Variants in CAPN15 observed in about 807,000 individuals in gnomAD.
The protein encoded by CAPN15 is calpain 15.
A neutral mutation model predicts 97.9 loss-of-function variants in CAPN15; 53 were observed. The ratio of observed to expected loss-of-function variants is 0.54; its 90% confidence interval spans 0.43 to 0.68. The LOEUF is 0.68. Among genes scored for constraint, CAPN15 ranks in the 30% least tolerant of loss-of-function variants. The probability of loss-of-function intolerance (pLI) is 0.00; values close to 1 mark genes in which losing one functional copy is unlikely to be tolerated. For synonymous variants in CAPN15, 922 were observed against 722.5 expected, an observed-to-expected ratio of 1.28 and a Z score of -4.43; for missense variants, 1,592 against 1,589.8, an observed-to-expected ratio of 1.00 and a Z score of -0.02.
At chr16:545,323 C>T (rs2034508370) in intron 3 of CAPN15, among the ~76,000 whole-genome samples, 1 of 152,110 alleles carries the variant, frequency 6.6e-6, no homozygotes, top group East Asian at 1.9e-4. Flanking sequence ...GGTGGGGGCC[C>T]TGCCGAGGTC....
Position 531,097 on chromosome 16 carries a change from C to T in CAPN15, c.-189-2849C>T, listed in dbSNP as rs141990854. Among the ~76,000 whole-genome samples the T allele has an allele frequency of 9.8e-5, 15 of 152,402 alleles. No individual in the cohort carries two copies. In the East Asian group the frequency reaches 2.3e-3, roughly 23 times the overall value. On this transcript the variant is annotated intron_variant, in intron 1 of 13. Coordinates refer to ENST00000219611, the MANE Select transcript of CAPN15 (RefSeq NM_005632.3). ...TTTTTAAATGTCACAGTGACTGCAG[C>T]GTCTGCTCCTCTGTGGAAGGAGCTT...
Position 546,902 on chromosome 16 carries a change from C to T in CAPN15, c.64C>T (p.Gln22Ter), listed in dbSNP as rs1485091501. Residue 22 changes from glutamine (Q) to a stop codon, truncating the protein, a stop_gained, in exon 4 of 14, where the codon CAG becomes TAG. Coordinates refer to ENST00000219611, the MANE Select transcript of CAPN15 (RefSeq NM_005632.3). LOFTEE classifies it high-confidence loss of function. ...CTTCCTGAACCCGGCCGGCCAGCGCCAGTGCTCCATCTGCGAGGCTCCCCG... is the reference window on the plus strand; with the variant it reads ...CTTCCTGAACCCGGCCGGCCAGCGCTAGTGCTCCATCTGCGAGGCTCCCCG... The part of the protein sequence containing the change: ...CTFLNPAGQR[Q>*]CSICEAPRHK... 2 of 1,611,456 alleles carry T rather than the reference C, an allele frequency of 1.2e-6. No homozygotes were observed. The highest frequency in any genetic ancestry group is 1.7e-6 in the Non-Finnish European group (2 of 1,179,854).
At chr16:551,922 G>T (rs992287473) in intron 9 of CAPN15, 129 bp from the exon 10 acceptor site, 4 of 1,129,526 alleles carry the variant, frequency 3.5e-6, no homozygotes, top group Admixed American at 2.1e-5. Flanking sequence ...CCGGGGGCCG[G>T]GCTGCAAGAG....
intron 3 of CAPN15, among the ~76,000 whole-genome samples, chr16:542,594 T>C (rs949796770): frequency 6.6e-6 from 1 of 152,136 alleles, no homozygotes; most frequent in African/African-American, 2.4e-5. Flanking sequence ...CATTCACTTA[T>C]TTATTTATTT....
In CAPN15 at chr16:554,077, GAC is replaced by G; in HGVS notation, c.*564_*565del. 5.5e-6 allele frequency: 1 copy of G among 180,678 alleles called. No homozygotes were observed. Among genetic ancestry groups the G allele is most frequent in the South Asian group, 1.3e-4 (1 of 7,816 alleles). 11.2% of individuals were successfully genotyped at this position (180,678 alleles called of 1,614,324 possible). ...AGGGGCCCTTGGCCAGCCCCCCAGC[GAC>G]ACTATGCAAATCCTGGAGTGCCCGC... On this transcript the variant is annotated 3_prime_UTR_variant, in exon 14 of 14. Transcript: ENST00000219611.
rs1464181241 is a variant in CAPN15 at position 547,106 on chromosome 16, C to T, written c.268C>T (p.Pro90Ser). 2 of 1,579,328 alleles carry T rather than the reference C, an allele frequency of 1.3e-6. No homozygotes were observed. The highest frequency in any genetic ancestry group is 1.3e-5 in the African/African-American group (1 of 74,574). ...LPVLNGVLPKPPAILGEPKGS... is the reference protein window; with the variant it reads ...LPVLNGVLPKSPAILGEPKGS... ...AGTCCTCAACGGGGTCCTCCCCAAG[C>T]CACCCGCCATCCTGGGGGAGCCCAA... Residue 90 changes from proline to serine, a missense_variant, in exon 4 of 14, where the codon CCA becomes TCA. By Grantham distance (74) the Pro-to-Ser change is moderately conservative. Around this residue, in one of 3 missense-constraint regions of CAPN15, gnomAD observed 883 missense variants for 776.6 expected, o/e 1.14. Transcript: ENST00000219611.
Position 549,180 on chromosome 16 carries a change from A to G in CAPN15, c.1637A>G (p.Gln546Arg). 8.1e-7 allele frequency: 1 copy of G among 1,236,022 alleles called. No homozygotes were observed. The highest frequency in any genetic ancestry group is 1.0e-6 in the Non-Finnish European group (1 of 961,394). 76.6% of individuals were successfully genotyped at this position (1,236,022 alleles called of 1,614,324 possible). The change falls in exon 5 of 14, where the codon CAG (glutamine) becomes CGG (arginine). Residue 546 changes from glutamine (Q) to arginine (R), a missense_variant. Coordinates refer to ENST00000219611, the MANE Select transcript of CAPN15 (RefSeq NM_005632.3). ...FHTLRPSDILQGLLGNCWFLS... is the reference protein window; with the variant it reads ...FHTLRPSDILRGLLGNCWFLS... ...ACACTGCGGCCCTCAGACATCCTGC[A>G]GGGGCTGCTGGGGAACTGCTGGTGA...
chr16:553,614 C>T lies in CAPN15; in HGVS notation c.*98C>T. The T allele has an allele frequency of 1.4e-6, 1 of 735,552 alleles. No homozygotes were observed. Among genetic ancestry groups the T allele is most frequent in the East Asian group, 3.1e-5 (1 of 31,950 alleles). The allele number at this position is 735,552 out of a possible 1,614,324, so 45.6% of individuals were successfully genotyped here. Reference sequence around the variant, plus strand: ...CGACAGAGGACGCTTGAGCCAGAATCTCAGGACCCCGCCCAGGGAGCTGCC... The same window carrying T: ...CGACAGAGGACGCTTGAGCCAGAATTTCAGGACCCCGCCCAGGGAGCTGCC... On this transcript the variant is annotated 3_prime_UTR_variant, in exon 14 of 14. Coordinates refer to ENST00000219611, the MANE Select transcript of CAPN15 (RefSeq NM_005632.3).
At position 552,538 on chromosome 16, in the gene CAPN15, G is replaced by A. The variant is rs933725912; in HGVS notation, c.2737+8G>A. On this transcript the variant is annotated splice_region_variant and intron_variant, in intron 11 of 13. Coordinates refer to ENST00000219611, the MANE Select transcript of CAPN15 (RefSeq NM_005632.3). The surrounding 1 kb of genome is among the most constrained non-coding windows in gnomAD (Gnocchi z 6.4). ...GCACCCCTGCCCCCCAGGGTACGTG[G>A]CCCCTACCCCAGGCTCATGCCCCAG... is the stretch of plus-strand genomic sequence containing the variant. 7.5e-6 allele frequency: 12 copies of A among 1,592,172 alleles called. No homozygotes were observed. Among genetic ancestry groups the A allele is most frequent in the East Asian group, 2.3e-5 (1 of 44,320 alleles).
chr16:529,465 G>A (rs1295914289), intron 1 of CAPN15, among the ~76,000 whole-genome samples: 1 of 152,208 alleles, frequency 6.6e-6, no homozygotes, highest in African/African-American at 2.4e-5. Context: ...AGCTGTTCAT[G>A]GCAGGGGAGG....
chr16:533,175 T>G (rs1037961039), intron 1 of CAPN15, among the ~76,000 whole-genome samples: 2 of 151,048 alleles, frequency 1.3e-5, no homozygotes, highest in East Asian at 2.0e-4. Context: ...GAGCTGAGAT[T>G]GCACCACTGC....
At chr16:553,303 T>TA in intron 13 of CAPN15, 36 bp from the exon 14 acceptor site, 1 of 816,414 alleles carries the variant, frequency 1.2e-6, no homozygotes, top group Non-Finnish European at 1.8e-6. Flanking sequence ...ATCCCCACCC[T>TA]GCCCTCCACA....
rs751261826 is a variant in CAPN15 at position 547,845 on chromosome 16, C to T, written c.1007C>T (p.Pro336Leu). The change falls in exon 4 of 14, where the codon CCC becomes CTC. Residue 336 changes from proline (P) to leucine (L), a missense_variant. Coordinates refer to ENST00000219611, the MANE Select transcript of CAPN15 (RefSeq NM_005632.3). ...ACCGTGCGTTACACGCCCGCCAGCC[C>T]CTCCAGCCCCGACTTCACCACCTGG... is the stretch of plus-strand genomic sequence containing the variant. ...GDTVRYTPAS[P>L]SSPDFTTWSC... 3 of 1,610,966 alleles carry T rather than the reference C, an allele frequency of 1.9e-6. No homozygotes were observed. Among genetic ancestry groups the T allele is most frequent in the Non-Finnish European group, 2.5e-6 (3 of 1,179,142 alleles).
chr16:531,443 C>T (rs2141947243), intron 1 of CAPN15, among the ~76,000 whole-genome samples: 1 of 152,306 alleles, frequency 6.6e-6, no homozygotes, highest in Admixed American at 6.5e-5. Context: ...ACTCCCTACC[C>T]CCCACCTCCC....
chr16:544,931 C>T (rs1488164783), intron 3 of CAPN15, among the ~76,000 whole-genome samples: 1 of 146,406 alleles, frequency 6.8e-6, no homozygotes, highest in Non-Finnish European at 1.5e-5. Context: ...GCCCTGAGCC[C>T]GCTCCCTTCG....
At position 547,772 on chromosome 16, in the gene CAPN15, G is replaced by C. The variant is rs140736836; in HGVS notation, c.934G>C (p.Ala312Pro). ...GGAGGGTGGCACCAGCCGCGTAGAGGCCGGCAGCTCCACCTCGGGCAGTGA... is the reference window on the plus strand; with the variant it reads ...GGAGGGTGGCACCAGCCGCGTAGAGCCCGGCAGCTCCACCTCGGGCAGTGA... ...ATEGGTSRVEAGSSTSGSDII... is the reference protein window; with the variant it reads ...ATEGGTSRVEPGSSTSGSDII... The change falls in exon 4 of 14, where the codon GCC (alanine) becomes CCC (proline). Residue 312 changes from alanine (A) to proline (P), a missense_variant. Physicochemically the swap from Ala to Pro is conservative, Grantham distance 27. This residue lies in a region of CAPN15 where 883 missense variants were observed against 776.6 expected (regional missense o/e 1.14). Coordinates refer to ENST00000219611, the MANE Select transcript of CAPN15 (RefSeq NM_005632.3). The C allele has an allele frequency of 3.7e-6, 6 of 1,610,790 alleles. No individual in the cohort carries two copies. The highest frequency in any genetic ancestry group is 1.3e-5 in the African/African-American group (1 of 75,018).
chr16:531,563 G>A (rs772536041), intron 1 of CAPN15, among the ~76,000 whole-genome samples: 5 of 152,308 alleles, frequency 3.3e-5, no homozygotes, highest in South Asian at 4.1e-4. Context: ...GAGGTGCCAC[G>A]AGGCCTCCTC....
In CAPN15 at chr16:554,327, A is replaced by T. The variant is rs1056289767; in HGVS notation, c.*811A>T. 2 of 364,584 alleles carry T rather than the reference A, an allele frequency of 5.5e-6. No individual in the cohort carries two copies. Among genetic ancestry groups the T allele is most frequent in the African/African-American group, 2.1e-5 (1 of 46,822 alleles). The allele number at this position is 364,584 out of a possible 1,614,324, so 22.6% of individuals were successfully genotyped here. ...CCCACAGAAGCCCAGGAGTGTGTGG[A>T]CGTCTGAGCCCAGCTTTCTGCGTGC... On this transcript the variant is annotated 3_prime_UTR_variant, in exon 14 of 14. Coordinates refer to ENST00000219611, the MANE Select transcript of CAPN15 (RefSeq NM_005632.3).
rs368676846 is a variant in CAPN15, at chr16:552,226, G to C, written c.2507+14G>C. 6.5e-7 allele frequency: 1 copy of C among 1,531,048 alleles called. No individual in the cohort carries two copies. Among genetic ancestry groups the C allele is most frequent in the Non-Finnish European group, 8.8e-7 (1 of 1,137,246 alleles). 94.8% of individuals were successfully genotyped at this position (1,531,048 alleles called of 1,614,324 possible). On this transcript the variant is annotated intron_variant, in intron 10 of 13. Transcript: ENST00000219611. This position sits in a 1 kb window ranked among gnomAD's most constrained non-coding sequence, Gnocchi z 6.4. Reference sequence around the variant, plus strand: ...GGAGGGCAGCAGGTGGGTGCTGCGGGGCCCCATCGGGCTGGGCTGGGCTAG... The same window carrying C: ...GGAGGGCAGCAGGTGGGTGCTGCGGCGCCCCATCGGGCTGGGCTGGGCTAG...
Sources: allele counts gnomAD v4.1 joint callset (sites outside exome capture counted in the v4.1 genomes callset), GRCh38; gene constraint gnomAD v4.1.1; regional missense constraint gnomAD v4.1.1; non-coding constraint Gnocchi (gnomAD v3.1); transcripts MANE v1.5; gene names NCBI Gene and HGNC (gene_info 2026-07-23, HGNC 2026-07-21).